The following RMDN3 variants were observed in gnomAD, a reference collection of about 807,000 sequenced individuals.
RMDN3 encodes the protein regulator of microtubule dynamics 3, also known as regulator of microtubule dynamics protein 3.
In RMDN3, 41 loss-of-function variants were observed where a neutral mutation model predicts 61.8. The ratio of observed to expected loss-of-function variants is 0.66; its 90% CI spans 0.52 to 0.86. The LOEUF is 0.86. RMDN3 is among the 40% of genes least tolerant of loss of function. The probability of loss-of-function intolerance (pLI) is 0.00; values close to 1 mark genes in which losing one functional copy is unlikely to be tolerated. For synonymous variants in RMDN3, 247 were observed against 232.0 expected, an observed-to-expected ratio of 1.06 and a Z score of -0.59; for missense variants, 557 against 585.3, an observed-to-expected ratio of 0.95 and a Z score of 0.50.
At chr15:40,752,889 C>T (rs994634354) in intron 2 of RMDN3, among the ~76,000 whole-genome samples, 13 of 152,186 alleles carry the variant, frequency 8.5e-5, no homozygotes, top group East Asian at 3.8e-4. Flanking sequence ...CCCTACAATA[C>T]GGCAAGCATA....
rs1281710871 is a variant in RMDN3, at chr15:40,736,516, AGTCATGAAGG to A, written c.*15_*24del. 1 of 1,611,716 alleles carries A rather than the reference AGTCATGAAGG, an allele frequency of 6.2e-7. No homozygotes were observed. Among genetic ancestry groups the A allele is most frequent in the African/African-American group, 1.3e-5 (1 of 74,834 alleles). On this transcript the variant is annotated 3_prime_UTR_variant, in exon 13 of 13. Coordinates refer to ENST00000338376, the MANE Select transcript of RMDN3 (RefSeq NM_018145.3). The stretch of plus-strand genomic sequence containing the variant: ...CCCCCCACCTTAAATAGTGGCATCA[AGTCATGAAGG>A]CCAGTGAAACGTGGTTAGTCTCGTA...
chr15:40,752,000 A>T lies in RMDN3; in HGVS notation c.366T>A (p.Ile122=). The T allele has an allele frequency of 1.2e-6, 2 of 1,613,880 alleles. No individual in the cohort carries two copies. Among genetic ancestry groups the T allele is most frequent in the Non-Finnish European group, 1.7e-6 (2 of 1,179,876 alleles). The change falls in exon 3 of 13, where the codon ATT becomes ATA. Residue 122 remains isoleucine, a synonymous_variant. Transcript: ENST00000338376. ...GCATTACTCACCGGACCTCCCCAAC[A>T]ATCTCCCCCGCAAGCCCTCGCAGGC... ...RSSLRGLAGE[I]VGEVRCHMEE...
At chr15:40,754,127 C>CTTTTTT (rs71428308) in intron 2 of RMDN3, among the ~76,000 whole-genome samples, 5,493 of 122,978 alleles carry the variant, frequency 0.045, 261 homozygotes, top group East Asian at 0.076. Context: ...ACCACGACTG[C>CTTTTTT]TTTTTTTTTT....
intron 4 of RMDN3, 145 bp from the exon 5 acceptor site, chr15:40,745,404 CTTTTT>C (rs1037310449): frequency 7.2e-5 from 38 of 529,212 alleles, no homozygotes; most frequent in Non-Finnish European, 1.1e-4. Flanking sequence ...TAAGGGCAGA[CTTTTT>C]TTCTTTTTTT....
chr15:40,751,916 G>A, intron 3 of RMDN3, 70 bp downstream of exon 3: 1 of 1,505,586 alleles, frequency 6.6e-7, no homozygotes, highest in Non-Finnish European at 9.1e-7. Context: ...AGACAGCGAA[G>A]GCCAGAACAC....
rs913904133 is a variant in RMDN3 at position 40,745,411 on chromosome 15, T to C, written c.525-152A>G. The C allele has an allele frequency of 1.1e-5, 7 of 663,564 alleles. No homozygotes were observed. The South Asian group carries it at 1.4e-4, about 14-fold the overall frequency. 41.1% of individuals were successfully genotyped at this position (663,564 alleles called of 1,614,324 possible). A position where few individuals can be genotyped will look rare whatever the true frequency, so the allele number is the denominator to read the frequency against. ...ATACCTCTTAAGGGCAGACTTTTTTTCTTTTTTTTTTTTTTTTTTGAGACA... is the reference window on the plus strand; with the variant it reads ...ATACCTCTTAAGGGCAGACTTTTTTCCTTTTTTTTTTTTTTTTTTGAGACA... On this transcript the variant is annotated intron_variant, in intron 4 of 12. Coordinates refer to ENST00000338376, the MANE Select transcript of RMDN3 (RefSeq NM_018145.3).
chr15:40,752,368 C>A (rs1466605269), intron 2 of RMDN3, among the ~76,000 whole-genome samples, 190 bp from the exon 3 acceptor site: 1 of 152,154 alleles, frequency 6.6e-6, no homozygotes, highest in Non-Finnish European at 1.5e-5. Flanking sequence ...TAAACGAGAG[C>A]CCTCTGCTCC....
intron 4 of RMDN3, among the ~76,000 whole-genome samples, 184 bp downstream of exon 4, chr15:40,751,242 C>T (rs1897807787): frequency 1.3e-5 from 2 of 152,236 alleles, no homozygotes; most frequent in African/African-American, 2.4e-5. Flanking sequence ...CTGCTATTAA[C>T]ATCTACATTT....
intron 4 of RMDN3, among the ~76,000 whole-genome samples, chr15:40,745,807 G>A (rs551110784): frequency 6.6e-6 from 1 of 152,314 alleles, no homozygotes; most frequent in Admixed American, 6.5e-5. Flanking sequence ...TGCCTTATCA[G>A]TCAGAGACAC....
Position 40,751,742 on chromosome 15 carries a change from G to A in RMDN3, c.381-173C>T, listed in dbSNP as rs561182054. On this transcript the variant is annotated intron_variant, in intron 3 of 12. Coordinates refer to ENST00000338376, the MANE Select transcript of RMDN3 (RefSeq NM_018145.3). Reference sequence around the variant, plus strand: ...CAGGGCAGCTTCCTGGGCCCAGCCCGCACAGACAGACTAGGTTAGGCAAAC... The same window carrying A: ...CAGGGCAGCTTCCTGGGCCCAGCCCACACAGACAGACTAGGTTAGGCAAAC... 70 of 984,384 alleles carry A rather than the reference G, an allele frequency of 7.1e-5. No individual in the cohort carries two copies. The African/African-American group carries it at 8.3e-4, about 12-fold the overall frequency. 61.0% of individuals were successfully genotyped at this position (984,384 alleles called of 1,614,324 possible).
rs1423446406 is a variant in RMDN3, at chr15:40,738,060, A to G, written c.1048-18T>C. 1 of 1,613,148 alleles carries G rather than the reference A, an allele frequency of 6.2e-7. No individual in the cohort carries two copies. Among genetic ancestry groups the G allele is most frequent in the East Asian group, 2.2e-5 (1 of 44,870 alleles). Reference sequence around the variant, plus strand: ...ACATGCTCCTAAGGGGAAAATGTAAATATAAACTAACATCAGACACCAGAG... The same window carrying G: ...ACATGCTCCTAAGGGGAAAATGTAAGTATAAACTAACATCAGACACCAGAG... On this transcript the variant is annotated intron_variant, in intron 8 of 12. Coordinates refer to ENST00000338376, the MANE Select transcript of RMDN3 (RefSeq NM_018145.3).
intron 2 of RMDN3, among the ~76,000 whole-genome samples, chr15:40,752,720 C>T (rs1897881776): frequency 1.3e-5 from 2 of 152,084 alleles, no homozygotes; most frequent in Admixed American, 1.3e-4. Context: ...CAGAAAAAGC[C>T]CATCCAAACT....
chr15:40,742,199 G>A (rs890723908), intron 6 of RMDN3, among the ~76,000 whole-genome samples: 65 of 126,384 alleles, frequency 5.1e-4, no homozygotes, highest in East Asian at 1.3e-3. Flanking sequence ...GTAGAGACAA[G>A]GTCTCACTAT....
Position 40,754,506 on chromosome 15 carries a change from G to GT in RMDN3, c.187+90dup, listed in dbSNP as rs1196993954. On this transcript the variant is annotated intron_variant, in intron 2 of 12. Transcript: ENST00000338376. ...GTGAAACCCTAAAGCACTTCTCTCC[G>GT]TTACCCTGTCCCACAGTCTCCACCG... 3.0e-6 allele frequency: 4 copies of GT among 1,324,662 alleles called. No homozygotes were observed. The Middle Eastern group carries it at 5.7e-4, about 190-fold the overall frequency. The allele number at this position is 1,324,662 out of a possible 1,614,324, so 82.1% of individuals were successfully genotyped here.
chr15:40,750,281 G>A (rs1162181955), intron 4 of RMDN3, among the ~76,000 whole-genome samples: 3 of 142,718 alleles, frequency 2.1e-5, no homozygotes, highest in Admixed American at 7.4e-5. Flanking sequence ...GTGCAGTGGC[G>A]CAATCTCGGC....
In RMDN3 at chr15:40,751,402, C is replaced by T. The variant is rs571460288; in HGVS notation, c.524+24G>A. ...AAACACAACCTGGCTGTAGCCATAA[C>T]TGCCTCCAAGAGAGACAACTCACCC... On this transcript the variant is annotated intron_variant, in intron 4 of 12. Coordinates refer to ENST00000338376, the MANE Select transcript of RMDN3 (RefSeq NM_018145.3). The T allele has an allele frequency of 3.8e-5, 61 of 1,609,088 alleles. No individual in the cohort carries two copies. In the South Asian group the frequency reaches 6.5e-4, roughly 17 times the overall value.
At chr15:40,737,493 G>T in intron 10 of RMDN3, 135 bp downstream of exon 10, 1 of 1,116,394 alleles carries the variant, frequency 9.0e-7, no homozygotes, top group Non-Finnish European at 1.3e-6. Context: ...AAGTGATTCT[G>T]GTTTTCCCAT....
intron 5 of RMDN3, 26 bp from the exon 6 acceptor site, chr15:40,744,175 G>C (rs1567064694): frequency 6.2e-7 from 1 of 1,608,230 alleles, no homozygotes; most frequent in Non-Finnish European, 8.5e-7. Flanking sequence ...AAACGGGTGA[G>C]GCCCCTTTTT....
chr15:40,752,881 C>T (rs980643632), intron 2 of RMDN3, among the ~76,000 whole-genome samples: 8 of 152,138 alleles, frequency 5.3e-5, no homozygotes, highest in Non-Finnish European at 1.2e-4. Context: ...AGGCAGGACC[C>T]TACAATACGG....
Sources: allele counts gnomAD v4.1 joint callset (sites outside exome capture counted in the v4.1 genomes callset), GRCh38; gene constraint gnomAD v4.1.1; transcripts MANE v1.5; gene names NCBI Gene and HGNC (gene_info 2026-07-23, HGNC 2026-07-21).